Variants in STK38L observed in about 807,000 individuals in gnomAD.
The protein encoded by STK38L is serine/threonine kinase 38 like.
Under a neutral mutation model 59.7 loss-of-function variants are expected in STK38L, and 28 were observed. That is an observed-to-expected ratio of 0.47 (90% CI 0.35 to 0.64). The LOEUF is 0.64. Ranked by LOEUF, STK38L falls within the 30% of genes least tolerant of loss-of-function variation. The pLI is 0.01. For synonymous variants in STK38L, 162 were observed against 176.8 expected (o/e 0.92, Z 0.66); for missense variants, 314 against 555.8 (o/e 0.56, Z 4.37).
In STK38L at chr12:27,280,278, G is replaced by A. The variant is rs918219128; in HGVS notation, c.-11-17432G>A. ...TAGCAAAATAAGAACTTTTGATTAT[G>A]CAATGAAAGAGAATCAAAGTCAGTA... On this transcript the variant is annotated intron_variant, in intron 1 of 13. Coordinates refer to ENST00000389032, the MANE Select transcript of STK38L (RefSeq NM_015000.4). 2.1e-4 allele frequency among the ~76,000 whole-genome samples: 32 copies of A among 152,140 alleles called. 1 individual carries two copies.
intron 1 of STK38L, 142 bp downstream of exon 1, chr12:27,244,474 C>G (rs1942805678): frequency 6.5e-6 from 1 of 152,854 alleles, no homozygotes; most frequent in African/African-American, 2.4e-5. Context: ...GGAAATGTCT[C>G]CGGGGAACCT....
At chr12:27,319,517 C>A in intron 12 of STK38L, 94 bp downstream of exon 12, 2 of 803,992 alleles carry the variant, frequency 2.5e-6, no homozygotes, top group Non-Finnish European at 4.1e-6. Flanking sequence ...AGATTAAATA[C>A]AAAAGTAACA....
chr12:27,319,548 T>C (rs1166277347), intron 12 of STK38L, 125 bp downstream of exon 12: 4 of 615,464 alleles, frequency 6.5e-6, no homozygotes, highest in Non-Finnish European at 1.1e-5. Context: ...TTAAGTGCAG[T>C]GTTTTCTGGA....
At chr12:27,312,445 C>T in intron 5 of STK38L, 104 bp from the exon 6 acceptor site, 1 of 1,255,350 alleles carries the variant, frequency 8.0e-7, no homozygotes. Context: ...TCTGAAACTC[C>T]ATCTTTCCTT....
At chr12:27,294,207 A>G (rs542779653) in intron 1 of STK38L, among the ~76,000 whole-genome samples, 45 of 152,290 alleles carry the variant, frequency 3.0e-4, no homozygotes, top group Admixed American at 2.6e-3. Context: ...AGGATTCAGG[A>G]TGCATGTTAG....
chr12:27,275,102 A>G (rs575509642), intron 1 of STK38L, among the ~76,000 whole-genome samples: 31 of 152,308 alleles, frequency 2.0e-4, no homozygotes, highest in African/African-American at 7.0e-4. Flanking sequence ...TTTTCAAGGT[A>G]CCATCCAAAT....
chr12:27,317,872 A>G (rs1944625242), intron 10 of STK38L, 24 bp from the exon 11 acceptor site: 1 of 1,611,172 alleles, frequency 6.2e-7, no homozygotes, highest in Admixed American at 1.7e-5. Flanking sequence ...CTGATGAAAC[A>G]TTTTTGATTT....
At chr12:27,278,467 A>AG (rs1343865093) in intron 1 of STK38L, among the ~76,000 whole-genome samples, 2 of 152,116 alleles carry the variant, frequency 1.3e-5, no homozygotes, top group Non-Finnish European at 2.9e-5. Flanking sequence ...ATTTTATAGG[A>AG]TCTTAGCATG....
intron 1 of STK38L, among the ~76,000 whole-genome samples, chr12:27,256,973 TG>T (rs759720618): frequency 3.5e-4 from 54 of 152,348 alleles, no homozygotes; most frequent in Non-Finnish European, 6.9e-4. Flanking sequence ...GGATAGAAGC[TG>T]GATATGGATT....
chr12:27,312,417 C>A, intron 5 of STK38L, 132 bp from the exon 6 acceptor site: 1 of 929,486 alleles, frequency 1.1e-6, no homozygotes, highest in South Asian at 1.8e-5. Context: ...TACGAACATT[C>A]ATACATGTAT....
intron 9 of STK38L, 78 bp downstream of exon 9, chr12:27,315,428 C>A: frequency 1.8e-6 from 2 of 1,139,860 alleles, no homozygotes; most frequent in Non-Finnish European, 2.5e-6. Flanking sequence ...TTATTTTTAT[C>A]TTTATAATAA....
In STK38L at chr12:27,322,638, G is replaced by T; in HGVS notation, c.*183G>T. The T allele has an allele frequency of 3.2e-6, 2 of 634,596 alleles. No individual in the cohort carries two copies. Among genetic ancestry groups the T allele is most frequent in the South Asian group, 4.5e-5 (1 of 21,984 alleles). 39.3% of individuals were successfully genotyped at this position (634,596 alleles called of 1,614,324 possible). On this transcript the variant is annotated 3_prime_UTR_variant, in exon 14 of 14. Coordinates refer to ENST00000389032, the MANE Select transcript of STK38L (RefSeq NM_015000.4). ...TAGGAATTGGTTGGCAGTGCCAGCT[G>T]GCTCTTTTTTTTAATATTTTATTAT...
At chr12:27,258,446 A>G (rs1943134870) in intron 1 of STK38L, among the ~76,000 whole-genome samples, 1 of 152,032 alleles carries the variant, frequency 6.6e-6, no homozygotes, top group Admixed American at 6.5e-5. Context: ...CTCCTGTCTC[A>G]GCCTCCCAAG....
chr12:27,303,697 C>G (rs1944237303), intron 3 of STK38L, among the ~76,000 whole-genome samples: 1 of 152,114 alleles, frequency 6.6e-6, no homozygotes, highest in East Asian at 1.9e-4. Context: ...GATTTTTCCT[C>G]TAATTCAGAG....
In STK38L at chr12:27,267,631, A is replaced by G. The variant is rs551971021; in HGVS notation, c.-12+23299A>G. ...GAGTGGAATTGCTTGGTCATTGGGC[A>G]TGTGTGTGTTCAGCTCTATTGAGTG... On this transcript the variant is annotated intron_variant, in intron 1 of 13. Transcript: ENST00000389032. Among the ~76,000 whole-genome samples the G allele has an allele frequency of 8.5e-5, 13 of 152,308 alleles. No homozygotes were observed. In the East Asian group the frequency reaches 1.9e-3, roughly 23 times the overall value.
At chr12:27,263,949 G>A (rs1005361266) in intron 1 of STK38L, among the ~76,000 whole-genome samples, 8 of 152,204 alleles carry the variant, frequency 5.3e-5, no homozygotes, top group Non-Finnish European at 7.3e-5. Context: ...GGAATAGTTC[G>A]TCAGGTTCTT....
chr12:27,260,795 T>C (rs1943189658), intron 1 of STK38L, among the ~76,000 whole-genome samples: 1 of 152,154 alleles, frequency 6.6e-6, no homozygotes, highest in Non-Finnish European at 1.5e-5. Context: ...ATAAGATCCA[T>C]AAGGGCTGGT....
intron 1 of STK38L, among the ~76,000 whole-genome samples, chr12:27,253,545 A>C (rs748782997): frequency 1.4e-4 from 21 of 152,170 alleles, no homozygotes; most frequent in Non-Finnish European, 2.1e-4. Flanking sequence ...GTGCTCCCTC[A>C]GAAGCTGGGC....
chr12:27,269,916 T>A (rs1943384287), intron 1 of STK38L, among the ~76,000 whole-genome samples: 1 of 152,238 alleles, frequency 6.6e-6, no homozygotes. Flanking sequence ...GTGTTGAGAT[T>A]ACAGGCATGA....
Sources: allele counts gnomAD v4.1 joint callset (sites outside exome capture counted in the v4.1 genomes callset), GRCh38; gene constraint gnomAD v4.1.1; transcripts MANE v1.5; gene names NCBI Gene and HGNC (gene_info 2026-07-23, HGNC 2026-07-21).